The following CST8 variants were observed in gnomAD, a reference collection of about 807,000 sequenced individuals.
CST8 encodes cystatin 8.
A neutral mutation model predicts 11.8 loss-of-function variants in CST8; 20 were observed. The ratio of observed to expected loss-of-function variants is 1.70; its 90% CI spans 1.20 to 2.47. CST8 has a LOEUF of 2.47. Among genes scored for constraint, CST8 ranks in the 30% most tolerant of loss-of-function variants. The pLI is 0.00. For synonymous variants in CST8, 77 were observed against 63.1 expected (o/e 1.22, Z -1.05); for missense variants, 196 against 167.2 (o/e 1.17, Z -0.95).
intron 3 of CST8, among the ~76,000 whole-genome samples, chr20:23,495,491 T>C (rs1988013761): frequency 6.6e-6 from 1 of 152,246 alleles, no homozygotes; most frequent in Non-Finnish European, 1.5e-5. Context: ...TAAAATAACA[T>C]ACTTTAATTA....
intron 3 of CST8, among the ~76,000 whole-genome samples, chr20:23,494,324 G>A (rs1315170537): frequency 1.1e-4 from 17 of 152,128 alleles, no homozygotes; most frequent in Admixed American, 1.1e-3. Flanking sequence ...TTGTTCTCAA[G>A]GAGCCCACTT....
chr20:23,504,775 A>T, the CST8 span, among the ~76,000 whole-genome samples: 1 of 152,190 alleles, frequency 6.6e-6, no homozygotes, highest in Non-Finnish European at 1.5e-5. Flanking sequence ...GGAACAAAAG[A>T]TCTGGCAAAA....
At chr20:23,503,175 T>A in the CST8 span, among the ~76,000 whole-genome samples, 3 of 152,026 alleles carry the variant, frequency 2.0e-5, no homozygotes, top group African/African-American at 7.2e-5. Flanking sequence ...CATGCACAAA[T>A]GCATGAGAGG....
At chr20:23,492,819 C>A in intron 2 of CST8, 139 bp from the exon 3 acceptor site, 1 of 677,008 alleles carries the variant, frequency 1.5e-6, no homozygotes, top group Non-Finnish European at 2.6e-6. Context: ...GGCATCTTAG[C>A]CTTCCGCTAA....
chr20:23,504,374 C>T, the CST8 span, among the ~76,000 whole-genome samples: 39 of 152,162 alleles, frequency 2.6e-4, no homozygotes, highest in African/African-American at 9.7e-5. Flanking sequence ...TCCTTGTCCC[C>T]TTTTGCCTTT....
At chr20:23,493,174 G>C (rs1302051179) in intron 3 of CST8, 103 bp downstream of exon 3, 28 of 773,184 alleles carry the variant, frequency 3.6e-5, no homozygotes, top group Non-Finnish European at 6.1e-5. Flanking sequence ...GTGGCTCCCA[G>C]TGTTTAGCCC....
chr20:23,501,516 G>A, the CST8 span, among the ~76,000 whole-genome samples: 6 of 152,222 alleles, frequency 3.9e-5, no homozygotes, highest in South Asian at 4.1e-4. Context: ...TCGCTATGGA[G>A]GGGACAGAGT....
At chr20:23,492,507 G>C (rs1987919096) in intron 2 of CST8, among the ~76,000 whole-genome samples, 1 of 152,236 alleles carries the variant, frequency 6.6e-6, no homozygotes, top group African/African-American at 2.4e-5. Flanking sequence ...GAGGATGGGA[G>C]GTTTCACAGG....
chr20:23,495,719 A>G, intron 3 of CST8, 112 bp from the exon 4 acceptor site: 1 of 773,306 alleles, frequency 1.3e-6, no homozygotes, highest in South Asian at 1.6e-5. Flanking sequence ...GTGGTGACCC[A>G]TCTGTCAGCA....
intron 3 of CST8, among the ~76,000 whole-genome samples, chr20:23,493,869 C>T (rs1015056565): frequency 3.3e-5 from 5 of 152,160 alleles, no homozygotes; most frequent in African/African-American, 4.8e-5. Context: ...CCCTGATGAC[C>T]GGGTTCCACC....
chr20:23,505,801 G>A, the CST8 span, among the ~76,000 whole-genome samples: 9 of 152,106 alleles, frequency 5.9e-5, no homozygotes, highest in African/African-American at 2.2e-4. Flanking sequence ...CATCCTGGAC[G>A]CACTGACTCG....
chr20:23,502,481 G>T, the CST8 span, among the ~76,000 whole-genome samples: 1 of 152,112 alleles, frequency 6.6e-6, no homozygotes, highest in Admixed American at 6.5e-5. Flanking sequence ...ATAGAGTGCC[G>T]CACGGCCCCC....
At chr20:23,505,745 G>A in the CST8 span, among the ~76,000 whole-genome samples, 3 of 152,124 alleles carry the variant, frequency 2.0e-5, no homozygotes, top group Non-Finnish European at 4.4e-5. Flanking sequence ...TGGATCAGCA[G>A]CATCAGTGGC....
chr20:23,499,332 G>A (rs185859611), downstream of CST8, among the ~76,000 whole-genome samples: 1 of 152,132 alleles, frequency 6.6e-6, no homozygotes, highest in Admixed American at 6.5e-5. Context: ...TCTAAACACA[G>A]CCAAACTGAA....
chr20:23,500,874 C>T (rs745396313), downstream of CST8, among the ~76,000 whole-genome samples: 4 of 152,102 alleles, frequency 2.6e-5, no homozygotes, highest in Non-Finnish European at 5.9e-5. Flanking sequence ...TTCCTTCTTG[C>T]TCTCTTCTGT....
At chr20:23,493,883 A>G (rs766342199) in intron 3 of CST8, among the ~76,000 whole-genome samples, 3 of 152,214 alleles carry the variant, frequency 2.0e-5, no homozygotes, top group Non-Finnish European at 2.9e-5. Flanking sequence ...TTCCACCGGC[A>G]GAGTTTCCAA....
Position 23,491,567 on chromosome 20 carries a change from C to A in CST8, c.-101C>A, listed in dbSNP as rs1987880122. On this transcript the variant is annotated 5_prime_UTR_variant, in exon 2 of 4. Coordinates refer to ENST00000246012, the MANE Select transcript of CST8 (RefSeq NM_005492.4). Reference sequence around the variant, plus strand: ...GGAGGCAGTGTGTGGCTCGAAGATTCTTGAACCCACAGCAGCAGCTGCGGC... The same window carrying A: ...GGAGGCAGTGTGTGGCTCGAAGATTATTGAACCCACAGCAGCAGCTGCGGC... 1 of 890,680 alleles carries A rather than the reference C, an allele frequency of 1.1e-6. No individual in the cohort carries two copies. The allele number at this position is 890,680 out of a possible 1,614,324, so 55.2% of individuals were successfully genotyped here.
intron 3 of CST8, among the ~76,000 whole-genome samples, chr20:23,495,609 T>C (rs540519196): frequency 6.6e-6 from 1 of 152,272 alleles, no homozygotes; most frequent in East Asian, 1.9e-4. Flanking sequence ...TTTCTTGTCT[T>C]CCTGTGGTTA....
chr20:23,498,032 TAGAGAGAGAGAGGGA>T (rs1366858482), downstream of CST8, among the ~76,000 whole-genome samples: 1 of 150,756 alleles, frequency 6.6e-6, no homozygotes, highest in Admixed American at 6.6e-5. Flanking sequence ...TGTGTGTGTG[TAGAGAGAGAGAGGGA>T]AGAGGGAGAG....
Sources: allele counts gnomAD v4.1 joint callset (sites outside exome capture counted in the v4.1 genomes callset), GRCh38; gene constraint gnomAD v4.1.1; transcripts MANE v1.5; gene names NCBI Gene and HGNC (gene_info 2026-07-23, HGNC 2026-07-21).